PRR5L: variants seen among roughly 807,000 people sequenced by gnomAD.
PRR5L encodes proline rich 5 like.
PRR5L carries 21 observed loss-of-function variants against 36.4 expected under a neutral mutation model. The ratio of observed to expected loss-of-function variants is 0.58; its 90% confidence interval spans 0.41 to 0.83. The LOEUF (loss-of-function observed/expected upper bound fraction) is 0.83. PRR5L is among the 40% of genes least tolerant of loss of function. The probability of loss-of-function intolerance (pLI) is 0.00; values close to 1 mark genes in which losing one functional copy is unlikely to be tolerated. For missense variants in PRR5L, 381 were observed against 473.3 expected (o/e 0.80, Z 1.81); for synonymous variants, 188 against 197.0 (o/e 0.95, Z 0.38).
chr11:36,394,307 A>G (rs554658076), intron 1 of PRR5L: 1 of 152,210 alleles, frequency 6.6e-6, no homozygotes, highest in Non-Finnish European at 1.5e-5. Context: ...GCACCTATAC[A>G]GTTCCAGGAA....
intron 3 of PRR5L, among the ~76,000 whole-genome samples, chr11:36,409,854 A>C (rs1407823969): frequency 1.3e-5 from 2 of 152,252 alleles, no homozygotes; most frequent in Non-Finnish European, 2.9e-5. Context: ...TAACTCACCC[A>C]GAGTCATGTA....
intron 1 of PRR5L, among the ~76,000 whole-genome samples, chr11:36,345,391 C>T (rs116598049): frequency 1.2e-3 from 182 of 151,978 alleles, no homozygotes; most frequent in African/African-American, 4.3e-3. Context: ...TGTAACCCGC[C>T]GTAGGGAACA....
intron 1 of PRR5L, among the ~76,000 whole-genome samples, chr11:36,327,240 G>T (rs80184923): frequency 0.11 from 17,264 of 152,152 alleles, 993 homozygotes; most frequent in Non-Finnish European, 0.12. Flanking sequence ...TCTCCTCTCG[G>T]CCAAGGGGAT....
In PRR5L at chr11:36,450,373, T is replaced by C. The variant is rs184767196; in HGVS notation, c.586-836T>C. On this transcript the variant is annotated intron_variant, in intron 7 of 8. Transcript: ENST00000530639. ...GCCAGTCCCCTCTCCTGCCAGGTGG[T>C]CTTTGCTTCTTTGCAGCCCCTCAAC... 3.9e-5 allele frequency among the ~76,000 whole-genome samples: 6 copies of C among 152,312 alleles called. No individual in the cohort carries two copies. The East Asian group carries it at 1.2e-3, about 29-fold the overall frequency.
intron 1 of PRR5L, among the ~76,000 whole-genome samples, chr11:36,368,198 A>T (rs924414427): frequency 7.9e-5 from 12 of 152,168 alleles, no homozygotes; most frequent in African/African-American, 2.9e-4. Context: ...AAAGAGCAAC[A>T]TCTAAGAGAG....
Position 36,464,273 on chromosome 11 carries a change from A to G in PRR5L, c.*1537A>G, listed in dbSNP as rs1184358068. 1 of 152,166 alleles carries G rather than the reference A, an allele frequency of 6.6e-6. No individual in the cohort carries two copies. The highest frequency in any genetic ancestry group is 1.9e-4 in the East Asian group (1 of 5,190). The allele number at this position is 152,166 out of a possible 1,614,324, so 9.4% of individuals were successfully genotyped here. On this transcript the variant is annotated 3_prime_UTR_variant, in exon 9 of 9. Transcript: ENST00000530639. The stretch of plus-strand genomic sequence containing the variant: ...AAGAGATGAGCCACCTTGGCTTCCA[A>G]TATGGCAAGAGGGTGCTGGGAGAAG...
intron 1 of PRR5L, among the ~76,000 whole-genome samples, chr11:36,314,013 T>C (rs1856530110): frequency 6.6e-6 from 1 of 152,178 alleles, no homozygotes; most frequent in Admixed American, 6.5e-5. Context: ...GTGCTTCAAT[T>C]TCTCTGATGT....
intron 4 of PRR5L, among the ~76,000 whole-genome samples, chr11:36,422,869 A>G (rs951475959): frequency 6.6e-6 from 1 of 152,076 alleles, no homozygotes; most frequent in African/African-American, 2.4e-5. Flanking sequence ...GGTTTCCGAG[A>G]GAAACACTAT....
At position 36,302,619 on chromosome 11, in the gene PRR5L, C is replaced by T. The variant is rs141642090; in HGVS notation, c.-126+6181C>T. ...TAGGCAACATGGCGAAAACCCATCTCTACTAAACATACAAAAAATTAGCTG... is the reference window on the plus strand; with the variant it reads ...TAGGCAACATGGCGAAAACCCATCTTTACTAAACATACAAAAAATTAGCTG... On this transcript the variant is annotated intron_variant, in intron 1 of 8. Transcript: ENST00000530639. 4.0e-3 allele frequency among the ~76,000 whole-genome samples: 604 copies of T among 152,196 alleles called. 6 individuals are homozygous for T. Among genetic ancestry groups the T allele is most frequent in the African/African-American group, 0.014 (583 of 41,522 alleles).
chr11:36,426,114 C>T (rs1036399319), intron 4 of PRR5L: 1 of 152,306 alleles, frequency 6.6e-6, no homozygotes, highest in Non-Finnish European at 1.5e-5. Flanking sequence ...AGTTACATGG[C>T]CTGAGATTGC....
At chr11:36,338,451 A>G (rs1256915921) in intron 1 of PRR5L, among the ~76,000 whole-genome samples, 3 of 152,188 alleles carry the variant, frequency 2.0e-5, no homozygotes, top group Non-Finnish European at 4.4e-5. Flanking sequence ...CTCTTCTAGA[A>G]ATGACCATGA....
intron 1 of PRR5L, among the ~76,000 whole-genome samples, chr11:36,337,919 A>T (rs1048684931): frequency 1.3e-5 from 2 of 152,252 alleles, no homozygotes; most frequent in African/African-American, 4.8e-5. Flanking sequence ...TGATATATTC[A>T]TCAGGGAGGT....
At chr11:36,381,766 G>C (rs1352725050) in intron 1 of PRR5L, 1 of 152,090 alleles carries the variant, frequency 6.6e-6, no homozygotes, top group Non-Finnish European at 1.5e-5. Context: ...CTCGCAGGCT[G>C]AATTCTTGGG....
intron 1 of PRR5L, among the ~76,000 whole-genome samples, chr11:36,320,317 C>G (rs1362444478): frequency 6.8e-6 from 1 of 146,092 alleles, no homozygotes; most frequent in African/African-American, 2.6e-5. Flanking sequence ...GATCTCGGCT[C>G]AGTGCAATCT....
intron 1 of PRR5L, among the ~76,000 whole-genome samples, chr11:36,343,996 C>T (rs1856842168): frequency 6.6e-6 from 1 of 151,724 alleles, no homozygotes; most frequent in African/African-American, 2.4e-5. Flanking sequence ...GCGGGTGGAT[C>T]ACCTGAAGTC....
chr11:36,458,231 A>G (rs571712566), intron 8 of PRR5L, among the ~76,000 whole-genome samples: 30 of 152,288 alleles, frequency 2.0e-4, no homozygotes, highest in Middle Eastern at 6.8e-3. Context: ...GGCTGCTTCA[A>G]GGAACATGTC....
intron 1 of PRR5L, among the ~76,000 whole-genome samples, chr11:36,353,134 C>T (rs1376728553): frequency 1.3e-5 from 2 of 152,144 alleles, no homozygotes; most frequent in East Asian, 3.9e-4. Flanking sequence ...TGTTTAGCAG[C>T]ATCTCTGTCT....
chr11:36,441,938 T>C (rs1003030533), intron 6 of PRR5L, among the ~76,000 whole-genome samples: 1 of 152,130 alleles, frequency 6.6e-6, no homozygotes, highest in South Asian at 2.1e-4. Flanking sequence ...GAAACTGGGA[T>C]GTGGGCAGCA....
chr11:36,392,369 TTTTG>T lies in PRR5L; in HGVS notation c.-125-8624_-125-8621del, dbSNP rs768867042. On this transcript the variant is annotated intron_variant, in intron 1 of 8. Coordinates refer to ENST00000530639, the MANE Select transcript of PRR5L (RefSeq NM_001160167.2). ...TGCTGAATCATATGGTAGCCCTATT[TTTTG>T]TTTTTTGAGGTACCTCCAAACTGTT... Among the ~76,000 whole-genome samples, 14 of 152,288 alleles carry T rather than the reference TTTTG, an allele frequency of 9.2e-5. No homozygotes were observed. The South Asian group carries it at 1.7e-3, about 18-fold the overall frequency.
Sources: allele counts gnomAD v4.1 joint callset (sites outside exome capture counted in the v4.1 genomes callset), GRCh38; gene constraint gnomAD v4.1.1; transcripts MANE v1.5; gene names NCBI Gene and HGNC (gene_info 2026-07-23, HGNC 2026-07-21).